CDH7: variants seen among roughly 807,000 people sequenced by gnomAD.
The protein encoded by CDH7 is cadherin-7.
CDH7 carries 25 observed loss-of-function variants against 71.8 expected under a neutral mutation model. The observed-to-expected ratio is 0.35, with a 90% CI of 0.25 to 0.49. The LOEUF (loss-of-function observed/expected upper bound fraction) is 0.49, where lower values mean the gene tolerates loss of function less well. Ranked by LOEUF, CDH7 falls within the 20% of genes least tolerant of loss-of-function variation. The pLI, the probability that CDH7 is intolerant of heterozygous loss-of-function variation, is 0.99. For missense variants in CDH7, 862 were observed against 974.6 expected (o/e 0.88, Z 1.54); for synonymous variants, 381 against 363.8 (o/e 1.05, Z -0.54).
chr18:65,794,657 A>AT (rs1345005433), intron 2 of CDH7, among the ~76,000 whole-genome samples: 4 of 151,348 alleles, frequency 2.6e-5, no homozygotes, highest in African/African-American at 9.7e-5. Context: ...TAATGGTTGG[A>AT]TTTTTCGTGT....
In CDH7 at chr18:65,763,072, C is replaced by G. The variant is rs919166598; in HGVS notation, c.210+20C>G. 1.3e-6 allele frequency: 2 copies of G among 1,535,834 alleles called. No homozygotes were observed. Among genetic ancestry groups the G allele is most frequent in the Non-Finnish European group, 1.8e-6 (2 of 1,121,368 alleles). On this transcript the variant is annotated intron_variant, in intron 2 of 11. Transcript: ENST00000397968. The stretch of plus-strand genomic sequence containing the variant: ...GGAAAGGTAGGGTATTGTGACCTTT[C>G]AAAGTTGTAAATGATTATTGTCCAT...
At chr18:65,760,065 A>G (rs1916147874) in intron 1 of CDH7, among the ~76,000 whole-genome samples, 2 of 152,202 alleles carry the variant, frequency 1.3e-5, no homozygotes, top group Non-Finnish European at 2.9e-5. Flanking sequence ...AATATAGATA[A>G]CATTCCAATG....
At chr18:65,763,882 C>A (rs190299616) in intron 2 of CDH7, among the ~76,000 whole-genome samples, 9 of 152,116 alleles carry the variant, frequency 5.9e-5, no homozygotes, top group East Asian at 5.8e-4. Context: ...TTTGGCATAT[C>A]ATGTTCTCGG....
chr18:65,852,140 T>C (rs528600598), intron 7 of CDH7, among the ~76,000 whole-genome samples: 2 of 149,514 alleles, frequency 1.3e-5, no homozygotes, highest in South Asian at 4.2e-4. Context: ...TGAGTTTAGA[T>C]AGGAAAGCAG....
intron 2 of CDH7, among the ~76,000 whole-genome samples, chr18:65,790,822 T>C (rs1011351936): frequency 1.3e-5 from 2 of 152,172 alleles, no homozygotes; most frequent in Non-Finnish European, 2.9e-5. Flanking sequence ...TAAGCCGAGA[T>C]TGCATCACTG....
At chr18:65,816,589 A>AT (rs1479529366) in intron 4 of CDH7, among the ~76,000 whole-genome samples, 1 of 152,208 alleles carries the variant, frequency 6.6e-6, no homozygotes, top group African/African-American at 2.4e-5. Flanking sequence ...TGTTAGGTGC[A>AT]TTTTTATAAA....
chr18:65,776,766 G>A (rs568643128), intron 2 of CDH7, among the ~76,000 whole-genome samples: 1 of 152,246 alleles, frequency 6.6e-6, no homozygotes, highest in African/African-American at 2.4e-5. Flanking sequence ...TTCAGAATGT[G>A]AGGTTGACAA....
intron 2 of CDH7, among the ~76,000 whole-genome samples, chr18:65,804,284 G>C (rs1911233164): frequency 6.6e-6 from 1 of 152,020 alleles, no homozygotes; most frequent in South Asian, 2.1e-4. Context: ...AATTATGCAA[G>C]TTCAAGTGTG....
At chr18:65,853,922 T>TATATATATATATATATATATCC (rs1913243773) in intron 7 of CDH7, among the ~76,000 whole-genome samples, 1 of 75,808 alleles carries the variant, frequency 1.3e-5, no homozygotes, top group African/African-American at 6.1e-5. Context: ...TATATATATA[T>TATATATATATATATATATATCC]ATATATATAT....
intron 4 of CDH7, among the ~76,000 whole-genome samples, chr18:65,819,704 A>G (rs1911848892): frequency 6.6e-6 from 1 of 152,026 alleles, no homozygotes; most frequent in East Asian, 1.9e-4. Context: ...AGTTAACAGG[A>G]TCCCTGAGAA....
chr18:65,804,119 A>C (rs566760830), intron 2 of CDH7, among the ~76,000 whole-genome samples: 2 of 152,270 alleles, frequency 1.3e-5, no homozygotes, highest in African/African-American at 4.8e-5. Flanking sequence ...TATCTCTTTC[A>C]TAAAATTTCA....
chr18:65,819,990 A>C (rs1038564710), intron 4 of CDH7, among the ~76,000 whole-genome samples: 3 of 130,874 alleles, frequency 2.3e-5, no homozygotes, highest in African/African-American at 8.1e-5. Flanking sequence ...TGAGGTACAT[A>C]TACCAAATTT....
chr18:65,887,932 A>T lies in CDH7; in HGVS notation c.*7038A>T, dbSNP rs1286343618. The T allele has an allele frequency of 6.6e-6, 1 of 152,208 alleles. No individual in the cohort carries two copies. Among genetic ancestry groups the T allele is most frequent in the East Asian group, 1.9e-4 (1 of 5,202 alleles). The allele number at this position is 152,208 out of a possible 1,614,324, so 9.4% of individuals were successfully genotyped here. A position where few individuals can be genotyped will look rare whatever the true frequency, so the allele number is the denominator to read the frequency against. On this transcript the variant is annotated 3_prime_UTR_variant, in exon 12 of 12. Transcript: ENST00000397968. ...TTCCATTATAATTACATTAAAAAGA[A>T]AACCACTTTTATAATATTTTTGCTT...
chr18:65,777,090 C>T lies in CDH7; in HGVS notation c.210+14038C>T, dbSNP rs1285349666. Reference sequence around the variant, plus strand: ...TTGCTAACAAATCAGTTTGGGTAGGCAGGTGTTCTAGAAAAACCAGAAGAA... The same window carrying T: ...TTGCTAACAAATCAGTTTGGGTAGGTAGGTGTTCTAGAAAAACCAGAAGAA... On this transcript the variant is annotated intron_variant, in intron 2 of 11. Transcript: ENST00000397968. Among the ~76,000 whole-genome samples the T allele has an allele frequency of 3.3e-5, 5 of 152,126 alleles. No homozygotes were observed. The East Asian group carries it at 7.8e-4, about 24-fold the overall frequency.
chr18:65,779,257 CTTTTT>C (rs34051231), intron 2 of CDH7, among the ~76,000 whole-genome samples: 1 of 72,856 alleles, frequency 1.4e-5, no homozygotes, highest in Non-Finnish European at 2.3e-5. Flanking sequence ...AGAAAACATT[CTTTTT>C]TTTTTTTTTT....
At chr18:65,807,587 G>A (rs530786629) in intron 2 of CDH7, among the ~76,000 whole-genome samples, 1 of 152,328 alleles carries the variant, frequency 6.6e-6, no homozygotes, top group South Asian at 2.1e-4. Flanking sequence ...GTTGCTACCA[G>A]GTGCCGCCCC....
intron 1 of CDH7, among the ~76,000 whole-genome samples, chr18:65,758,085 A>G (rs556994742): frequency 6.6e-6 from 1 of 152,354 alleles, no homozygotes; most frequent in East Asian, 1.9e-4. Flanking sequence ...TAAATGTAAT[A>G]AAAGTTATTG....
chr18:65,782,327 T>C (rs1942819), intron 2 of CDH7, among the ~76,000 whole-genome samples: 54,044 of 151,050 alleles, frequency 0.36, 10,182 homozygotes, highest in African/African-American at 0.46. Flanking sequence ...CCACCACACC[T>C]GACAAATTTT....
intron 7 of CDH7, among the ~76,000 whole-genome samples, chr18:65,852,330 T>TAA: frequency 6.6e-6 from 1 of 152,266 alleles, no homozygotes; most frequent in South Asian, 2.1e-4. Context: ...AATAATAATA[T>TAA]ATGCTTGCGT....
Sources: allele counts gnomAD v4.1 joint callset (sites outside exome capture counted in the v4.1 genomes callset), GRCh38; gene constraint gnomAD v4.1.1; transcripts MANE v1.5; gene names NCBI Gene and HGNC (gene_info 2026-07-23, HGNC 2026-07-21).